The following OR6P1 variants were observed in gnomAD, a reference collection of about 807,000 sequenced individuals.
OR6P1 encodes the protein olfactory receptor family 6 subfamily P member 1.
OR6P1 carries 5 observed loss-of-function variants against 6.6 expected under a neutral mutation model. The ratio of observed to expected loss-of-function variants is 0.76; its 90% CI spans 0.40 to 1.60. The LOEUF (loss-of-function observed/expected upper bound fraction) is 1.60, where lower values mean the gene tolerates loss of function less well. Ranked by LOEUF, OR6P1 falls within the 40% of genes most tolerant of loss-of-function variation. The probability of loss-of-function intolerance (pLI) is 0.02; values close to 1 mark genes in which losing one functional copy is unlikely to be tolerated. For missense variants in OR6P1, 451 were observed against 383.0 expected (o/e 1.18, Z -1.48); for synonymous variants, 177 against 149.6 (o/e 1.18, Z -1.33).
chr1:158,564,390 T>C (rs1232022424), intron 2 of OR6P1, among the ~76,000 whole-genome samples: 2 of 152,038 alleles, frequency 1.3e-5, no homozygotes, highest in Non-Finnish European at 2.9e-5. Context: ...ATTAAGGACT[T>C]TGAGATGGAG....
intron 1 of OR6P1, among the ~76,000 whole-genome samples, chr1:158,567,586 T>C (rs1225476254): frequency 2.8e-5 from 4 of 143,758 alleles, no homozygotes; most frequent in African/African-American, 1.0e-4. Context: ...TAGGTGGGAA[T>C]TGAACAATGA....
rs1188794529 is a variant in OR6P1 at position 158,562,383 on chromosome 1, C to T, written c.*268G>A. ...GGCAGGGTTACATTCCACACATACT[C>T]AGTAAGACTCTCCACATATTTTTTT... On this transcript the variant is annotated 3_prime_UTR_variant, in exon 3 of 3. Transcript: ENST00000641540. 2.3e-6 allele frequency: 1 copy of T among 434,564 alleles called. No individual in the cohort carries two copies. The highest frequency in any genetic ancestry group is 2.0e-5 in the African/African-American group (1 of 49,688). The allele number at this position is 434,564 out of a possible 1,614,324, so 26.9% of individuals were successfully genotyped here.
At chr1:158,565,039 T>C (rs2101717225) in intron 2 of OR6P1, among the ~76,000 whole-genome samples, 1 of 152,354 alleles carries the variant, frequency 6.6e-6, no homozygotes, top group African/African-American at 2.4e-5. Context: ...CTAATTTGCA[T>C]AGTTTTAACT....
rs1028274986 is a variant in OR6P1 at position 158,562,318 on chromosome 1, A to G, written c.*333T>C. 3 of 270,168 alleles carry G rather than the reference A, an allele frequency of 1.1e-5. No individual in the cohort carries two copies. Among genetic ancestry groups the G allele is most frequent in the African/African-American group, 4.6e-5 (2 of 43,236 alleles). The allele number at this position is 270,168 out of a possible 1,614,324, so 16.7% of individuals were successfully genotyped here. A position where few individuals can be genotyped will look rare whatever the true frequency, so the allele number is the denominator to read the frequency against. On this transcript the variant is annotated 3_prime_UTR_variant, in exon 3 of 3. Coordinates refer to ENST00000641540, the MANE Select transcript of OR6P1 (RefSeq NM_001160325.2). ...TAGACTAGGGAATCCCAAACTGTCT[A>G]TGAAATAGGAATTCCCAGGAAGTTT...
chr1:158,569,978 T>G (rs557947899), intron 1 of OR6P1, among the ~76,000 whole-genome samples: 21 of 150,664 alleles, frequency 1.4e-4, no homozygotes, highest in African/African-American at 4.7e-4. Flanking sequence ...ATAGTTTTTG[T>G]TTTTTTTTAA....
chr1:158,564,824 A>G (rs1199935859), intron 2 of OR6P1, among the ~76,000 whole-genome samples: 1 of 152,196 alleles, frequency 6.6e-6, no homozygotes, highest in African/African-American at 2.4e-5. Context: ...ATGAAAGAGG[A>G]AGTCATTTTC....
chr1:158,569,897 G>A (rs1214603984), intron 1 of OR6P1, among the ~76,000 whole-genome samples: 1 of 152,146 alleles, frequency 6.6e-6, no homozygotes, highest in East Asian at 1.9e-4. Flanking sequence ...TAGCCAAGTG[G>A]ACTCATTTAC....
At chr1:158,568,962 A>T (rs1457583203) in intron 1 of OR6P1, among the ~76,000 whole-genome samples, 1 of 152,150 alleles carries the variant, frequency 6.6e-6, no homozygotes, top group Non-Finnish European at 1.5e-5. Context: ...TACATAACCA[A>T]CGTATATTTA....
chr1:158,563,508 C>A lies in OR6P1; in HGVS notation c.97G>T (p.Ala33Ser). ...LQLLLFVLFF[A>S]IYLLTLLENA... ...TCCAACAATGTCAGAAGGTAAATTG[C>A]AAAAAAAAGGACAAAGAGGAGCAGC... The change falls in exon 3 of 3, where the codon GCA becomes TCA. Residue 33 changes from alanine (A) to serine (S), a missense_variant. Transcript: ENST00000641540. 3.2e-6 allele frequency: 5 copies of A among 1,542,826 alleles called. No individual in the cohort carries two copies. The highest frequency in any genetic ancestry group is 2.4e-5 in the South Asian group (2 of 82,776).
At chr1:158,564,707 G>T (rs970328737) in intron 2 of OR6P1, among the ~76,000 whole-genome samples, 1 of 152,152 alleles carries the variant, frequency 6.6e-6, no homozygotes, top group African/African-American at 2.4e-5. Flanking sequence ...TGGATTTCTG[G>T]CCTCCAGAAC....
At chr1:158,570,353 T>A (rs1289672833) in intron 1 of OR6P1, 89 bp downstream of exon 1, 1 of 152,216 alleles carries the variant, frequency 6.6e-6, no homozygotes, top group South Asian at 2.1e-4. Context: ...TTTAAGCACA[T>A]TTTATATCTC....
At chr1:158,568,437 C>T (rs1648153052) in intron 1 of OR6P1, among the ~76,000 whole-genome samples, 1 of 152,134 alleles carries the variant, frequency 6.6e-6, no homozygotes, top group African/African-American at 2.4e-5. Flanking sequence ...TTAGCAGTCA[C>T]ACAGTGATGA....
chr1:158,568,981 G>C (rs1648175364), intron 1 of OR6P1, among the ~76,000 whole-genome samples: 1 of 152,134 alleles, frequency 6.6e-6, no homozygotes, highest in Non-Finnish European at 1.5e-5. Flanking sequence ...TATCAAATTA[G>C]TTAAGAAATA....
At position 158,563,184 on chromosome 1, in the gene OR6P1, C is replaced by T; in HGVS notation, c.421G>A (p.Ala141Thr). 6.4e-7 allele frequency: 1 copy of T among 1,551,388 alleles called. No homozygotes were observed. Among genetic ancestry groups the T allele is most frequent in the African/African-American group, 1.4e-5 (1 of 73,074 alleles). Residue 141 changes from alanine (A) to threonine (T), a missense_variant, in exon 3 of 3, where the codon GCC (alanine) becomes ACC (threonine). By Grantham distance (58) the Ala-to-Thr change is moderately conservative. Transcript: ENST00000641540. The stretch of plus-strand genomic sequence containing the variant: ...CAAGAGGCAGCAGCAAGGCGAGTGG[C>T]CAGACTGGAAGGCATGAGACTAGGG... ...LYPSLMPSSL[A>T]TRLAAASWGS...
chr1:158,562,953 A>T lies in OR6P1; in HGVS notation c.652T>A (p.Tyr218Asn). 6.4e-7 allele frequency: 1 copy of T among 1,551,770 alleles called. No individual in the cohort carries two copies. Among genetic ancestry groups the T allele is most frequent in the South Asian group, 1.2e-5 (1 of 84,062 alleles). Reference protein sequence around the residue: ...LLPLLAVVSSYTAIIAAILRI... With the variant: ...LLPLLAVVSSNTAIIAAILRI... The stretch of plus-strand genomic sequence containing the variant: ...AGGATGGCTGCAATGATGGCAGTGT[A>T]TGATGAAACCACAGCCAATAGAGGG... The change falls in exon 3 of 3, where the codon TAC becomes AAC. Residue 218 changes from tyrosine to asparagine, a missense_variant. Transcript: ENST00000641540.
Position 158,562,935 on chromosome 1 carries a change from C to T in OR6P1, c.670G>A (p.Ala224Thr), listed in dbSNP as rs761360097. The T allele has an allele frequency of 1.9e-6, 3 of 1,551,588 alleles. No homozygotes were observed. In the African/African-American group the frequency reaches 4.1e-5, roughly 21 times the overall value. ...CTGGACGTAGGGATCCTCAGGATGG[C>T]TGCAATGATGGCAGTGTATGATGAA... ...VVSSYTAIIAAILRIPTSRGR... is the reference protein window; with the variant it reads ...VVSSYTAIIATILRIPTSRGR... The change falls in exon 3 of 3, where the codon GCC becomes ACC. Residue 224 changes from alanine (A) to threonine (T), a missense_variant. Ala to Thr is a moderately conservative substitution (Grantham distance 58, BLOSUM62 0). Coordinates refer to ENST00000641540, the MANE Select transcript of OR6P1 (RefSeq NM_001160325.2).
intron 1 of OR6P1, 56 bp downstream of exon 1, chr1:158,570,386 G>T (rs1326370805): frequency 2.0e-5 from 3 of 152,148 alleles, no homozygotes; most frequent in Non-Finnish European, 4.4e-5. Context: ...CAATTTTCAG[G>T]ATTATACGGA....
At chr1:158,567,784 A>T (rs190935285) in intron 1 of OR6P1, among the ~76,000 whole-genome samples, 3 of 95,624 alleles carry the variant, frequency 3.1e-5, no homozygotes, top group Admixed American at 2.1e-4. Context: ...CCTAAAACTT[A>T]AAGTATAATA....
At chr1:158,569,325 T>C (rs1648182787) in intron 1 of OR6P1, among the ~76,000 whole-genome samples, 1 of 152,196 alleles carries the variant, frequency 6.6e-6, no homozygotes, top group Non-Finnish European at 1.5e-5. Flanking sequence ...ACCTTTTAGG[T>C]GTTACATAAG....
Sources: allele counts gnomAD v4.1 joint callset (sites outside exome capture counted in the v4.1 genomes callset), GRCh38; gene constraint gnomAD v4.1.1; transcripts MANE v1.5; gene names NCBI Gene and HGNC (gene_info 2026-07-23, HGNC 2026-07-21).